TCP11L2: variants seen among roughly 807,000 people sequenced by gnomAD.
TCP11L2 encodes the protein T-complex protein 11-like protein 2.
In TCP11L2, 39 loss-of-function variants were observed where a neutral mutation model predicts 50.7. That is an observed-to-expected ratio of 0.77 (90% CI 0.60 to 1.01). The LOEUF is 1.01. Ranked by LOEUF, TCP11L2 falls within the 50% of genes least tolerant of loss-of-function variation. The pLI is 0.00. For missense variants in TCP11L2, 612 were observed against 614.7 expected (o/e 1.00, Z 0.05); for synonymous variants, 192 against 219.3 (o/e 0.88, Z 1.10).
At chr12:106,319,013 G>A (rs1335294527) in intron 4 of TCP11L2, among the ~76,000 whole-genome samples, 6 of 151,964 alleles carry the variant, frequency 3.9e-5, no homozygotes, top group African/African-American at 1.5e-4. Context: ...CCGGGTTCAC[G>A]CCATTCTCCT....
intron 5 of TCP11L2, 51 bp from the exon 6 acceptor site, chr12:106,323,459 T>C: frequency 6.8e-7 from 1 of 1,468,338 alleles, no homozygotes; most frequent in Non-Finnish European, 9.3e-7. Context: ...TGTTAGTGAA[T>C]TTCAGCTTCA....
At chr12:106,329,759 A>T (rs971573721) in intron 6 of TCP11L2, 21 of 1,006,610 alleles carry the variant, frequency 2.1e-5, no homozygotes, top group Non-Finnish European at 2.5e-5. Context: ...TTACTGCCAC[A>T]TTGTAATTAT....
chr12:106,336,086 T>A lies in TCP11L2; in HGVS notation c.1015T>A (p.Leu339Met). 6.2e-7 allele frequency: 1 copy of A among 1,614,096 alleles called. No homozygotes were observed. The highest frequency in any genetic ancestry group is 8.5e-7 in the Non-Finnish European group (1 of 1,179,974). The stretch of plus-strand genomic sequence containing the variant: ...GGAACTAACAGAAAAGCTGAATCAA[T>A]TGAAAATTATTGCCTGCCTGTCCCT... ...LQELTEKLNQLKIIACLSLIT... is the reference protein window; with the variant it reads ...LQELTEKLNQMKIIACLSLIT... Residue 339 changes from leucine (L) to methionine (M), a missense_variant, in exon 8 of 10, where the codon TTG (leucine) becomes ATG (methionine). Transcript: ENST00000299045.
At chr12:106,314,691 G>C (rs2035012399) in intron 3 of TCP11L2, among the ~76,000 whole-genome samples, 198 bp downstream of exon 3, 1 of 151,602 alleles carries the variant, frequency 6.6e-6, no homozygotes, top group Admixed American at 6.6e-5. Context: ...CTCTAACAAG[G>C]TCTTATACTT....
chr12:106,339,920 C>T (rs1247610415), intron 8 of TCP11L2, among the ~76,000 whole-genome samples: 5 of 152,172 alleles, frequency 3.3e-5, no homozygotes, highest in African/African-American at 1.2e-4. Flanking sequence ...AACATGATAA[C>T]CTATTTTTCT....
intron 4 of TCP11L2, 34 bp from the exon 5 acceptor site, chr12:106,321,452 A>G: frequency 1.9e-6 from 3 of 1,544,364 alleles, no homozygotes; most frequent in Non-Finnish European, 8.8e-7. Context: ...TATTCACATC[A>G]TGATGCTGTT....
At position 106,336,126 on chromosome 12, in the gene TCP11L2, T is replaced by C; in HGVS notation, c.1055T>C (p.Met352Thr). The C allele has an allele frequency of 5.6e-6, 9 of 1,614,032 alleles. No homozygotes were observed. Among genetic ancestry groups the C allele is most frequent in the Non-Finnish European group, 7.6e-6 (9 of 1,179,980 alleles). The change falls in exon 8 of 10, where the codon ATG (methionine) becomes ACG (threonine). Residue 352 changes from methionine to threonine, a missense_variant. Met to Thr is a moderately conservative substitution (Grantham distance 81). Coordinates refer to ENST00000299045, the MANE Select transcript of TCP11L2 (RefSeq NM_152772.3). ...TGCCTGTCCCTAATTACCAACAACATGGTGGGTGCTATTACAGGAGGCCTG... is the reference window on the plus strand; with the variant it reads ...TGCCTGTCCCTAATTACCAACAACACGGTGGGTGCTATTACAGGAGGCCTG... ...IACLSLITNN[M>T]VGAITGGLPE...
chr12:106,336,872 G>A (rs1168705937), intron 8 of TCP11L2, among the ~76,000 whole-genome samples: 1 of 152,144 alleles, frequency 6.6e-6, no homozygotes, highest in East Asian at 1.9e-4. Context: ...TTTTTCTGCA[G>A]TGAAATGTTT....
rs753864504 is a variant in TCP11L2 at position 106,323,532 on chromosome 12, C to T, written c.658C>T (p.Leu220Phe). The T allele has an allele frequency of 1.9e-5, 31 of 1,606,086 alleles. No homozygotes were observed. The highest frequency in any genetic ancestry group is 2.6e-5 in the Non-Finnish European group (30 of 1,175,996). Residue 220 changes from leucine to phenylalanine, a missense_variant, in exon 6 of 10, where the codon CTC becomes TTC. By Grantham distance (22) the Leu-to-Phe change is conservative. Transcript: ENST00000299045. ...TAGACAAATATTCCATGTCCTGGAC[C>T]TCATGCAAATGGACATGGCCAATTT... ...VLRQIFHVLD[L>F]MQMDMANFTI...
intron 1 of TCP11L2, among the ~76,000 whole-genome samples, chr12:106,306,572 T>C (rs2034641441): frequency 6.6e-6 from 1 of 152,252 alleles, no homozygotes; most frequent in Non-Finnish European, 1.5e-5. Context: ...GGATCACCTA[T>C]TGCACTCAGT....
Position 106,321,478 on chromosome 12 carries a change from C to G in TCP11L2, c.415-8C>G, listed in dbSNP as rs767495743. The stretch of plus-strand genomic sequence containing the variant: ...TGATGCTGTTAATTTTTATTTCTTT[C>G]CCTGTAGATTCTTCTCTCTTTTCTC... On this transcript the variant is annotated splice_region_variant and splice_polypyrimidine_tract_variant and intron_variant, in intron 4 of 9. Transcript: ENST00000299045. 2 of 1,605,742 alleles carry G rather than the reference C, an allele frequency of 1.2e-6. No homozygotes were observed. The highest frequency in any genetic ancestry group is 1.7e-6 in the Non-Finnish European group (2 of 1,174,794).
At chr12:106,318,506 A>C (rs745443593) in intron 4 of TCP11L2, 42 bp downstream of exon 4, 8 of 1,607,512 alleles carry the variant, frequency 5.0e-6, no homozygotes, top group Non-Finnish European at 6.8e-6. Context: ...GTCTTACTCC[A>C]GGTGGGCTGC....
upstream of TCP11L2, among the ~76,000 whole-genome samples, chr12:106,301,125 G>A (rs115366694): frequency 5.2e-3 from 798 of 152,288 alleles, 5 homozygotes; most frequent in African/African-American, 0.018. Flanking sequence ...GGAGGCTTCT[G>A]TCATTCTGAT....
intron 6 of TCP11L2, chr12:106,324,136 T>C: frequency 6.6e-6 from 1 of 152,158 alleles, no homozygotes; most frequent in East Asian, 1.9e-4. Flanking sequence ...TATTAAGTGC[T>C]ATGAAGAAAA....
chr12:106,331,070 A>G (rs1299225901), intron 6 of TCP11L2, among the ~76,000 whole-genome samples: 2 of 152,310 alleles, frequency 1.3e-5, no homozygotes, highest in Non-Finnish European at 2.9e-5. Flanking sequence ...CTTTAAGGTC[A>G]TAGTCTTTAA....
chr12:106,321,873 G>A (rs916135912), intron 5 of TCP11L2, among the ~76,000 whole-genome samples, 167 bp downstream of exon 5: 3 of 152,190 alleles, frequency 2.0e-5, no homozygotes, highest in Non-Finnish European at 4.4e-5. Context: ...TGTATGCAGA[G>A]AGTTTTCACA....
At chr12:106,343,270 A>G (rs2036140709) in intron 9 of TCP11L2, among the ~76,000 whole-genome samples, 2 of 152,218 alleles carry the variant, frequency 1.3e-5, no homozygotes, top group Admixed American at 6.5e-5. Context: ...AAACCTTCTT[A>G]TGGGAAAGCG....
chr12:106,330,156 T>C (rs1208033927), intron 6 of TCP11L2: 11 of 985,282 alleles, frequency 1.1e-5, no homozygotes, highest in Non-Finnish European at 1.3e-5. Flanking sequence ...TAAAGTGAAT[T>C]TTGTCCTAAG....
intron 6 of TCP11L2, among the ~76,000 whole-genome samples, chr12:106,333,127 G>A (rs999221657): frequency 2.0e-5 from 3 of 152,046 alleles, no homozygotes; most frequent in African/African-American, 7.2e-5. Context: ...TGCAAAAACT[G>A]GTAAAATCAG....
Sources: allele counts gnomAD v4.1 joint callset (sites outside exome capture counted in the v4.1 genomes callset), GRCh38; gene constraint gnomAD v4.1.1; transcripts MANE v1.5; gene names NCBI Gene and HGNC (gene_info 2026-07-23, HGNC 2026-07-21).